The following OXR1 variants were observed in gnomAD, a reference collection of about 807,000 sequenced individuals.
OXR1 encodes oxidation resistance protein 1.
OXR1 carries 41 observed loss-of-function variants against 104.6 expected under a neutral mutation model. The observed-to-expected ratio is 0.39, with a 90% confidence interval of 0.31 to 0.51. OXR1 has a LOEUF of 0.51. Among genes scored for constraint, OXR1 ranks in the 20% least tolerant of loss-of-function variants. The pLI, the probability that OXR1 is intolerant of heterozygous loss-of-function variation, is 0.77. For missense variants in OXR1, 955 were observed against 1,031.9 expected (o/e 0.93, Z 1.02); for synonymous variants, 348 against 348.4 (o/e 1.00, Z 0.01).
At chr8:106,520,741 T>C (rs2130122959) in intron 3 of OXR1, among the ~76,000 whole-genome samples, 1 of 152,300 alleles carries the variant, frequency 6.6e-6, no homozygotes, top group African/African-American at 2.4e-5. Context: ...CCACTATCCT[T>C]CTCTCCTCTG....
chr8:106,383,259 T>A lies in OXR1; in HGVS notation c.23+23623T>A, dbSNP rs560936954. 8.5e-5 allele frequency among the ~76,000 whole-genome samples: 13 copies of A among 152,314 alleles called. No homozygotes were observed. The South Asian group carries it at 2.3e-3, about 27-fold the overall frequency. Reference sequence around the variant, plus strand: ...TAGGTTTATAGCATTAAAGTTGTTTTTATATTTCTCTATGTAAAGTTTCCA... The same window carrying A: ...TAGGTTTATAGCATTAAAGTTGTTTATATATTTCTCTATGTAAAGTTTCCA... On this transcript the variant is annotated intron_variant, in intron 2 of 16. Coordinates refer to ENST00000517566, the MANE Select transcript of OXR1 (RefSeq NM_001198533.2).
chr8:106,693,362 T>C (rs62514961), intron 7 of OXR1, among the ~76,000 whole-genome samples: 3,392 of 150,406 alleles, frequency 0.023, 42 homozygotes, highest in East Asian at 0.039. Context: ...GAAGGGTTCA[T>C]AGGAAAGGTT....
In OXR1 at chr8:106,549,216, G is replaced by A. The variant is rs1469948887; in HGVS notation, c.220+30077G>A. 2.0e-5 allele frequency among the ~76,000 whole-genome samples: 3 copies of A among 150,268 alleles called. No individual in the cohort carries two copies. The East Asian group carries it at 5.8e-4, about 29-fold the overall frequency. Reference sequence around the variant, plus strand: ...TACTGCAAAACCCCCAGGCCCCCTTGTATTTTCCCATCACAAACATATCAA... The same window carrying A: ...TACTGCAAAACCCCCAGGCCCCCTTATATTTTCCCATCACAAACATATCAA... On this transcript the variant is annotated intron_variant, in intron 3 of 16. Transcript: ENST00000517566.
intron 1 of OXR1, among the ~76,000 whole-genome samples, chr8:106,297,401 A>T (rs1371311991): frequency 1.3e-5 from 2 of 152,114 alleles, no homozygotes; most frequent in African/African-American, 4.8e-5. Context: ...TCTTTAGTTG[A>T]TTTCATTGTT....
intron 1 of OXR1, among the ~76,000 whole-genome samples, chr8:106,297,952 G>C (rs903516164): frequency 6.6e-6 from 1 of 152,132 alleles, no homozygotes; most frequent in Admixed American, 6.6e-5. Flanking sequence ...CTATTGCCCT[G>C]GCAGATACAT....
chr8:106,682,299 CG>C (rs1310855336), intron 4 of OXR1, among the ~76,000 whole-genome samples: 1 of 135,532 alleles, frequency 7.4e-6, no homozygotes, highest in Non-Finnish European at 1.5e-5. Flanking sequence ...GACAGAGTCT[CG>C]CCCTGTCGCC....
At chr8:106,421,486 C>T (rs1818905586) in intron 2 of OXR1, among the ~76,000 whole-genome samples, 2 of 152,104 alleles carry the variant, frequency 1.3e-5, no homozygotes, top group South Asian at 4.2e-4. Flanking sequence ...GGTGGAGAGG[C>T]AGTTTTGCTA....
At chr8:106,647,731 C>T (rs995928628) in intron 3 of OXR1, among the ~76,000 whole-genome samples, 5 of 152,184 alleles carry the variant, frequency 3.3e-5, no homozygotes, top group Non-Finnish European at 7.3e-5. Flanking sequence ...TGGCCTCAAG[C>T]GATCCTCTGG....
intron 14 of OXR1, among the ~76,000 whole-genome samples, chr8:106,740,945 G>A (rs1834869940): frequency 6.6e-6 from 1 of 152,106 alleles, no homozygotes; most frequent in Non-Finnish European, 1.5e-5. Context: ...GCAAGTTCAA[G>A]TCAGTTGTAA....
intron 14 of OXR1, among the ~76,000 whole-genome samples, chr8:106,741,727 G>A (rs1363590329): frequency 1.3e-5 from 2 of 151,968 alleles, no homozygotes; most frequent in African/African-American, 4.8e-5. Context: ...TCTTGTATAA[G>A]ATCATGCACA....
intron 2 of OXR1, among the ~76,000 whole-genome samples, chr8:106,391,688 T>A (rs1157852347): frequency 1.3e-5 from 2 of 152,184 alleles, no homozygotes; most frequent in Non-Finnish European, 2.9e-5. Context: ...AACTTAGAAT[T>A]TTTTTTAAAT....
chr8:106,538,858 A>G (rs1293070996), intron 3 of OXR1, among the ~76,000 whole-genome samples: 1 of 152,182 alleles, frequency 6.6e-6, no homozygotes, highest in African/African-American at 2.4e-5. Flanking sequence ...AAAGTATGGA[A>G]CTGCATATGC....
chr8:106,675,920 TAA>T (rs1365188888), intron 3 of OXR1, among the ~76,000 whole-genome samples: 1 of 152,184 alleles, frequency 6.6e-6, no homozygotes. Context: ...TTTGGGAGTA[TAA>T]GTCTCTTTGT....
At chr8:106,577,378 CTTTTTTT>C (rs5893798) in intron 3 of OXR1, among the ~76,000 whole-genome samples, 7 of 43,574 alleles carry the variant, frequency 1.6e-4, no homozygotes, top group African/African-American at 6.7e-4. Flanking sequence ...GCCCAGCTAA[CTTTTTTT>C]TTTTTTTTTT....
chr8:106,471,877 C>T (rs1050429140), intron 2 of OXR1, among the ~76,000 whole-genome samples: 12 of 151,844 alleles, frequency 7.9e-5, no homozygotes, highest in African/African-American at 2.9e-4. Flanking sequence ...ACAGCATTGA[C>T]GTATGTCCTT....
At chr8:106,277,955 C>G (rs575807765) in intron 1 of OXR1, among the ~76,000 whole-genome samples, 3 of 152,294 alleles carry the variant, frequency 2.0e-5, no homozygotes, top group African/African-American at 7.2e-5. Context: ...TGAGGGATTG[C>G]TGTTTGTATG....
At chr8:106,432,873 A>G (rs1308364942) in intron 2 of OXR1, among the ~76,000 whole-genome samples, 1 of 152,152 alleles carries the variant, frequency 6.6e-6, no homozygotes, top group Non-Finnish European at 1.5e-5. Flanking sequence ...ATGGGAATCT[A>G]GTGTTTTGCT....
At chr8:106,350,915 C>T (rs538561158) in intron 1 of OXR1, among the ~76,000 whole-genome samples, 3 of 152,148 alleles carry the variant, frequency 2.0e-5, no homozygotes, top group Non-Finnish European at 2.9e-5. Context: ...GAACTACATT[C>T]TGGATAAAAT....
At position 106,453,212 on chromosome 8, in the gene OXR1, A is replaced by G. The variant is rs944550370; in HGVS notation, c.24-65731A>G. On this transcript the variant is annotated intron_variant, in intron 2 of 16. Coordinates refer to ENST00000517566, the MANE Select transcript of OXR1 (RefSeq NM_001198533.2). The stretch of plus-strand genomic sequence containing the variant: ...AGTTGGCTTTACTGCACATAATCAC[A>G]TTGGTGTCATCACATCACCCATGGA... Among the ~76,000 whole-genome samples the G allele has an allele frequency of 2.3e-4, 35 of 152,270 alleles. 1 individual carries two copies. Among genetic ancestry groups the G allele is most frequent in the African/African-American group, 7.9e-4 (33 of 41,572 alleles).
Sources: allele counts gnomAD v4.1 joint callset (sites outside exome capture counted in the v4.1 genomes callset), GRCh38; gene constraint gnomAD v4.1.1; transcripts MANE v1.5; gene names NCBI Gene and HGNC (gene_info 2026-07-23, HGNC 2026-07-21).